Variants in QTMAN observed in about 807,000 individuals in gnomAD.
The protein encoded by QTMAN is queuosine-tRNA mannosyltransferase, also known as tRNA-queuosine alpha-mannosyltransferase.
the QTMAN span, among the ~76,000 whole-genome samples, chr2:144,276,903 T>C: frequency 1.3e-5 from 2 of 152,336 alleles, no homozygotes; most frequent in South Asian, 2.1e-4. Flanking sequence ...CAAGTCATTA[T>C]ATCAATACTT....
the QTMAN span, among the ~76,000 whole-genome samples, chr2:144,183,805 C>T: frequency 6.6e-6 from 1 of 152,188 alleles, no homozygotes; most frequent in East Asian, 1.9e-4. Flanking sequence ...CTAACAACAC[C>T]TCCCCACCCC....
the QTMAN span, among the ~76,000 whole-genome samples, chr2:144,170,529 C>T: frequency 6.6e-6 from 1 of 152,216 alleles, no homozygotes; most frequent in South Asian, 2.1e-4. Flanking sequence ...TTTATAGTAG[C>T]TGCAAGCAAA....
the QTMAN span, among the ~76,000 whole-genome samples, chr2:144,010,991 G>A: frequency 1.3e-5 from 2 of 152,208 alleles, no homozygotes; most frequent in African/African-American, 4.8e-5. Context: ...CTTAATAATA[G>A]AACTGGACAA....
At chr2:144,313,208 T>G in the QTMAN span, among the ~76,000 whole-genome samples, 33 of 152,334 alleles carry the variant, frequency 2.2e-4, no homozygotes, top group South Asian at 1.4e-3. Flanking sequence ...GGAATGACAC[T>G]TTTAATCTCT....
the QTMAN span, among the ~76,000 whole-genome samples, chr2:144,093,158 G>T: frequency 2.4e-4 from 36 of 152,074 alleles, no homozygotes; most frequent in African/African-American, 8.5e-4. Context: ...CTGAAATCTC[G>T]TGTTTTCAGA....
chr2:144,236,293 A>C, the QTMAN span, among the ~76,000 whole-genome samples: 7 of 152,242 alleles, frequency 4.6e-5, no homozygotes, highest in African/African-American at 1.7e-4. Flanking sequence ...TACCTTAAGA[A>C]TACTACTTTC....
chr2:144,256,562 A>G, the QTMAN span, among the ~76,000 whole-genome samples: 1 of 152,220 alleles, frequency 6.6e-6, no homozygotes, highest in Non-Finnish European at 1.5e-5. Flanking sequence ...GACATGAATG[A>G]AGCTGGAAAC....
the QTMAN span, among the ~76,000 whole-genome samples, chr2:143,987,993 G>A: frequency 3.9e-5 from 6 of 152,140 alleles, no homozygotes; most frequent in South Asian, 2.1e-4. Flanking sequence ...ACAGGGTGGC[G>A]GAGAATCAGT....
At chr2:144,104,419 CT>C in the QTMAN span, among the ~76,000 whole-genome samples, 1 of 152,194 alleles carries the variant, frequency 6.6e-6, no homozygotes, top group Non-Finnish European at 1.5e-5. Flanking sequence ...TAACGCTGCA[CT>C]TTTCCAAAGG....
chr2:144,076,125 T>C, the QTMAN span, among the ~76,000 whole-genome samples: 5 of 152,328 alleles, frequency 3.3e-5, no homozygotes, highest in East Asian at 9.7e-4. Context: ...CGCGTGCCTG[T>C]AGTCCCAGCT....
chr2:144,038,203 T>C, the QTMAN span, among the ~76,000 whole-genome samples: 5 of 152,210 alleles, frequency 3.3e-5, no homozygotes, highest in Non-Finnish European at 5.9e-5. Flanking sequence ...TGAATGTCCA[T>C]ATAAAATCAC....
At chr2:143,985,226 C>T in the QTMAN span, among the ~76,000 whole-genome samples, 1 of 152,236 alleles carries the variant, frequency 6.6e-6, no homozygotes, top group Non-Finnish European at 1.5e-5. Context: ...AGTTCCCACA[C>T]CCCCTGGCTT....
At chr2:144,152,369 T>C in the QTMAN span, among the ~76,000 whole-genome samples, 4 of 152,320 alleles carry the variant, frequency 2.6e-5, no homozygotes, top group Middle Eastern at 3.4e-3. Context: ...ATAATGCCTA[T>C]TGAGCTTCTT....
the QTMAN span, chr2:144,178,459 G>T: frequency 6.6e-6 from 1 of 152,110 alleles, no homozygotes; most frequent in Non-Finnish European, 1.5e-5. Flanking sequence ...CTTCACCCAT[G>T]AAAATGCAGG....
At chr2:144,220,668 C>G in the QTMAN span, among the ~76,000 whole-genome samples, 1 of 152,274 alleles carries the variant, frequency 6.6e-6, no homozygotes, top group Non-Finnish European at 1.5e-5. Context: ...TTAGTTAATT[C>G]CCCCTTGCAT....
the QTMAN span, among the ~76,000 whole-genome samples, chr2:144,034,620 GA>G: frequency 0.41 from 61,045 of 149,424 alleles, 13,104 homozygotes; most frequent in East Asian, 0.55. Flanking sequence ...ATTTGAAAAT[GA>G]AAAAAAAAAA....
chr2:143,952,967 G>T, the QTMAN span: 1 of 649,862 alleles, frequency 1.5e-6, no homozygotes, highest in East Asian at 2.6e-5. Context: ...AAAAAACATG[G>T]TCGGCAGTAT....
the QTMAN span, among the ~76,000 whole-genome samples, chr2:144,126,065 T>G: frequency 4.6e-4 from 70 of 152,084 alleles, no homozygotes; most frequent in African/African-American, 1.4e-3. Context: ...GCCAGAAAAT[T>G]ATACAAATTC....
At chr2:144,012,295 C>G in the QTMAN span, among the ~76,000 whole-genome samples, 1 of 152,146 alleles carries the variant, frequency 6.6e-6, no homozygotes, top group Non-Finnish European at 1.5e-5. Context: ...ACCACAGTCC[C>G]CATGTCCAAA....
Sources: allele counts gnomAD v4.1 joint callset (sites outside exome capture counted in the v4.1 genomes callset), GRCh38; gene constraint gnomAD v4.1.1; transcripts MANE v1.5; gene names NCBI Gene and HGNC (gene_info 2026-07-23, HGNC 2026-07-21).